The following SLIT2 variants were observed in gnomAD, a reference collection of about 807,000 sequenced individuals.
SLIT2 encodes slit guidance ligand 2.
A neutral mutation model predicts 185.7 loss-of-function variants in SLIT2; 41 were observed. The observed-to-expected ratio is 0.22, with a 90% CI of 0.17 to 0.29. SLIT2 has a LOEUF of 0.29. SLIT2 is among the 10% of genes least tolerant of loss of function. SLIT2 has a pLI of 1.00. For synonymous variants in SLIT2, 693 were observed against 680.2 expected (o/e 1.02, Z -0.29); for missense variants, 1,571 against 1,909.0 (o/e 0.82, Z 3.30).
In SLIT2 at chr4:20,293,038, G is replaced by GA. The variant is rs34901560; in HGVS notation, c.395+24165dup. ...GTAGTTTCCAAAGGGATGAGAGGGA[G>GA]AAAAAAAAGTCTGTATAGAAAGAGG... On this transcript the variant is annotated intron_variant, in intron 4 of 36. Coordinates refer to ENST00000504154, the MANE Select transcript of SLIT2 (RefSeq NM_004787.4). Among the ~76,000 whole-genome samples the GA allele has an allele frequency of 4.3e-4, 65 of 151,888 alleles. 1 individual carries two copies. The highest frequency in any genetic ancestry group is 1.4e-3 in the African/African-American group (59 of 41,438).
chr4:20,418,780 G>C (rs1230496708), intron 4 of SLIT2, among the ~76,000 whole-genome samples: 6 of 151,830 alleles, frequency 4.0e-5, no homozygotes, highest in Non-Finnish European at 8.8e-5. Context: ...TTCTGGCTCG[G>C]GTAAATAGTA....
chr4:20,411,481 C>A (rs1259645376), intron 4 of SLIT2, among the ~76,000 whole-genome samples: 3 of 152,152 alleles, frequency 2.0e-5, no homozygotes, highest in African/African-American at 7.2e-5. Context: ...CTTCTGGGTC[C>A]TTGCTCTCAT....
At chr4:20,565,834 C>T (rs1205394461) in intron 26 of SLIT2, among the ~76,000 whole-genome samples, 2 of 151,984 alleles carry the variant, frequency 1.3e-5, no homozygotes, top group African/African-American at 2.4e-5. Flanking sequence ...TATGTGGATA[C>T]ATTTCAAGAG....
At chr4:20,485,023 A>G (rs2148786368) in intron 6 of SLIT2, among the ~76,000 whole-genome samples, 1 of 152,236 alleles carries the variant, frequency 6.6e-6, no homozygotes, top group South Asian at 2.1e-4. Flanking sequence ...GTCCAGTATC[A>G]ACTTCATCCA....
In SLIT2 at chr4:20,376,845, G is replaced by A. The variant is rs1056004682; in HGVS notation, c.396-90907G>A. On this transcript the variant is annotated intron_variant, in intron 4 of 36. Coordinates refer to ENST00000504154, the MANE Select transcript of SLIT2 (RefSeq NM_004787.4). ...CAATGAGAACAGTTGGACACAGGGCGGGGAACATCACACACCAGGGCCTGT... is the reference window on the plus strand; with the variant it reads ...CAATGAGAACAGTTGGACACAGGGCAGGGAACATCACACACCAGGGCCTGT... Among the ~76,000 whole-genome samples, 17 of 152,170 alleles carry A rather than the reference G, an allele frequency of 1.1e-4. 1 individual carries two copies. The highest frequency in any genetic ancestry group is 2.2e-4 in the Non-Finnish European group (15 of 68,000).
intron 18 of SLIT2, among the ~76,000 whole-genome samples, chr4:20,536,935 A>T (rs1316807923): frequency 6.6e-6 from 1 of 152,172 alleles, no homozygotes; most frequent in East Asian, 1.9e-4. Flanking sequence ...TGTCAGGATA[A>T]TCAATATATC....
intron 1 of SLIT2, among the ~76,000 whole-genome samples, chr4:20,256,099 G>A (rs1313190923): frequency 2.6e-5 from 4 of 152,172 alleles, no homozygotes; most frequent in Non-Finnish European, 5.9e-5. Flanking sequence ...TGCAAATGAA[G>A]AATTAAGTTT....
At chr4:20,564,976 C>G (rs188819865) in intron 26 of SLIT2, among the ~76,000 whole-genome samples, 1 of 151,952 alleles carries the variant, frequency 6.6e-6, no homozygotes, top group African/African-American at 2.4e-5. Flanking sequence ...TAAATCCCCA[C>G]TACGTGGTAA....
intron 26 of SLIT2, among the ~76,000 whole-genome samples, chr4:20,557,994 G>C (rs1399331465): frequency 2.6e-5 from 4 of 152,036 alleles, no homozygotes; most frequent in African/African-American, 9.7e-5. Context: ...AATTGCTGCA[G>C]TCTCATGATA....
chr4:20,462,908 A>G (rs1258821750), intron 4 of SLIT2, among the ~76,000 whole-genome samples: 1 of 152,204 alleles, frequency 6.6e-6, no homozygotes, highest in African/African-American at 2.4e-5. Flanking sequence ...TCAGGAGCAC[A>G]TAAAAGAGTC....
chr4:20,295,830 AC>A (rs544705939), intron 4 of SLIT2, among the ~76,000 whole-genome samples: 245 of 141,712 alleles, frequency 1.7e-3, no homozygotes, highest in African/African-American at 5.7e-3. Flanking sequence ...TCTCTTGAGT[AC>A]TAGGAAAAAA....
At position 20,285,678 on chromosome 4, in the gene SLIT2, A is replaced by G. The variant is rs1052946637; in HGVS notation, c.395+16797A>G. ...TCCTCCCTCCTAAACCTCCCAAGTA[A>G]TTGGAACTACAGGCACACATCACCA... On this transcript the variant is annotated intron_variant, in intron 4 of 36. Coordinates refer to ENST00000504154, the MANE Select transcript of SLIT2 (RefSeq NM_004787.4). Among the ~76,000 whole-genome samples, 7 of 152,086 alleles carry G rather than the reference A, an allele frequency of 4.6e-5. 1 individual carries two copies. The highest frequency in any genetic ancestry group is 8.8e-5 in the Non-Finnish European group (6 of 68,026).
rs764475744 is a variant in SLIT2, at chr4:20,528,407, A to G, written c.1463-542A>G. The G allele has an allele frequency of 1.9e-6, 1 of 522,514 alleles. No homozygotes were observed. The highest frequency in any genetic ancestry group is 3.9e-6 in the Non-Finnish European group (1 of 253,356). The allele number at this position is 522,514 out of a possible 1,614,324, so 32.4% of individuals were successfully genotyped here. On this transcript the variant is annotated intron_variant, in intron 15 of 36. Transcript: ENST00000504154. This position sits in a 1 kb window ranked among gnomAD's most constrained non-coding sequence, Gnocchi z 4.2. Reference sequence around the variant, plus strand: ...ACAGCATGACAAGCTGCTGAGGCTTAAATCAGGATTTTCCTGTCTCTTTCT... The same window carrying G: ...ACAGCATGACAAGCTGCTGAGGCTTGAATCAGGATTTTCCTGTCTCTTTCT...
intron 18 of SLIT2, 101 bp downstream of exon 18, chr4:20,533,816 A>G: frequency 1.1e-6 from 1 of 933,456 alleles, no homozygotes; most frequent in Non-Finnish European, 1.7e-6. Flanking sequence ...TACCCACCCC[A>G]CTCCCTCTAT....
At chr4:20,606,499 C>A (rs183500120) in intron 33 of SLIT2, among the ~76,000 whole-genome samples, 24 of 150,872 alleles carry the variant, frequency 1.6e-4, no homozygotes, top group African/African-American at 4.9e-4. Context: ...AAAAAGGAAT[C>A]TAAAATCATG....
intron 34 of SLIT2, among the ~76,000 whole-genome samples, chr4:20,612,734 G>A (rs192124613): frequency 8.5e-5 from 13 of 152,122 alleles, no homozygotes; most frequent in African/African-American, 4.8e-5. Context: ...TGGTTAACAC[G>A]GTGAAACCCC....
rs188108343 is a variant in SLIT2 at position 20,411,309 on chromosome 4, A to G, written c.396-56443A>G. 4.7e-3 allele frequency among the ~76,000 whole-genome samples: 709 copies of G among 152,338 alleles called. 3 individuals carry two copies. The highest frequency in any genetic ancestry group is 6.2e-3 in the Non-Finnish European group (420 of 68,042). On this transcript the variant is annotated intron_variant, in intron 4 of 36. Transcript: ENST00000504154. ...AGTAGATAACACTTACTATGCATCT[A>G]GCATATTGTTTCATTTAACAATGGT...
intron 34 of SLIT2, chr4:20,615,919 A>ACC (rs1374122889): frequency 6.6e-6 from 1 of 152,024 alleles, no homozygotes; most frequent in Non-Finnish European, 1.5e-5. Context: ...AGCTTCCAGC[A>ACC]CCCTCCCCCC....
chr4:20,345,628 C>T (rs1179465567), intron 4 of SLIT2, among the ~76,000 whole-genome samples: 2 of 150,016 alleles, frequency 1.3e-5, no homozygotes, highest in Non-Finnish European at 3.0e-5. Flanking sequence ...CTCCACCTCC[C>T]GGGATCAAGC....
Sources: gnomAD v4.1 joint callset for allele counts (sites outside exome capture counted in the v4.1 genomes callset) on GRCh38, gnomAD v4.1.1 for gene constraint, Gnocchi (gnomAD v3.1) non-coding constraint, MANE v1.5 for transcripts, NCBI Gene and HGNC (gene_info 2026-07-23, HGNC 2026-07-21) for gene names.